The following KRT7 variants were observed in gnomAD, a reference collection of about 807,000 sequenced individuals.
KRT7 encodes the protein keratin 7.
A neutral mutation model predicts 42.8 loss-of-function variants in KRT7; 50 were observed. The observed-to-expected ratio is 1.17, with a 90% CI of 0.93 to 1.48. The LOEUF is 1.48. Among genes scored for constraint, KRT7 ranks in the 40% most tolerant of loss-of-function variants. The pLI is 0.00. For missense variants in KRT7, 588 were observed against 637.6 expected (o/e 0.92, Z 0.84); for synonymous variants, 268 against 266.3 (o/e 1.01, Z -0.06).
chr12:52,255,699 G>A (rs185116985), downstream of KRT7, among the ~76,000 whole-genome samples: 374 of 152,256 alleles, frequency 2.5e-3, 5 homozygotes, highest in Admixed American at 0.023. Context: ...CTCCTTTGGG[G>A]CAGGAACCCT....
rs767818630 is a variant in KRT7, at chr12:52,238,710, G to A, written c.628G>A (p.Glu210Lys). Residue 210 changes from glutamate (E) to lysine (K), a missense_variant, in exon 4 of 9, where the codon GAG becomes AAG. Physicochemically the swap from Glu to Lys is moderately conservative, Grantham distance 56. Transcript: ENST00000331817. ...DVDAAYMSKV[E>K]LEAKVDALND... The stretch of plus-strand genomic sequence containing the variant: ...GGATGCTGCCTACATGAGCAAGGTG[G>A]AGCTGGAGGCCAAGGTGGATGCCCT... 1.9e-6 allele frequency: 3 copies of A among 1,614,038 alleles called. No individual in the cohort carries two copies. The South Asian group carries it at 3.3e-5, about 18-fold the overall frequency.
At chr12:52,255,492 T>C (rs1315921950), downstream of KRT7, 8 of 452,016 alleles carry the variant, frequency 1.8e-5, no homozygotes, top group Non-Finnish European at 3.6e-5. Context: ...TTCCGGGAAC[T>C]GGATCTTTTG....
intron 3 of KRT7, 157 bp downstream of exon 3, chr12:52,237,726 ATGTGTGTGTGTGTGTGTG>A (rs10546862): frequency 1.4e-5 from 5 of 346,324 alleles, no homozygotes; most frequent in Non-Finnish European, 2.6e-5. Flanking sequence ...GGGTGCGTGT[ATGTGTGTGTGTGTGTGTG>A]TGTGTGTGTG....
intron 6 of KRT7, chr12:52,245,054 C>T (rs1489897077): frequency 1.0e-5 from 3 of 294,118 alleles, no homozygotes; most frequent in Non-Finnish European, 1.9e-5. Flanking sequence ...TAAAAATGAT[C>T]ACAATAGCAT....
intron 4 of KRT7, among the ~76,000 whole-genome samples, 199 bp downstream of exon 4, chr12:52,238,974 G>T (rs939161983): frequency 2.6e-5 from 4 of 152,176 alleles, no homozygotes; most frequent in African/African-American, 9.7e-5. Context: ...TTGCAAGATG[G>T]GTGTCTGATG....
At chr12:52,252,617 T>C, downstream of KRT7, 1 of 1,098,416 alleles carries the variant, frequency 9.1e-7, no homozygotes, top group South Asian at 1.6e-5. Context: ...AAATTAGTGC[T>C]CCCAGGCATG....
At chr12:52,235,893 A>G (rs770676359) in intron 2 of KRT7, among the ~76,000 whole-genome samples, 6 of 152,148 alleles carry the variant, frequency 3.9e-5, no homozygotes, top group Non-Finnish European at 8.8e-5. Context: ...AAAGAAGCAG[A>G]GAGGGAAAAT....
chr12:52,252,495 GA>G, downstream of KRT7: 2 of 1,612,832 alleles, frequency 1.2e-6, no homozygotes, highest in Non-Finnish European at 1.7e-6. Flanking sequence ...GGAGGCAAGG[GA>G]GGGTTATTAA....
downstream of KRT7, among the ~76,000 whole-genome samples, chr12:52,250,199 C>T (rs570770445): frequency 1.3e-5 from 2 of 152,240 alleles, no homozygotes; most frequent in East Asian, 1.9e-4. Flanking sequence ...TCCAGGCCTC[C>T]GGACCGGGGT....
chr12:52,248,777 C>G lies in KRT7; in HGVS notation c.*17C>G. The G allele has an allele frequency of 6.6e-7, 1 of 1,525,382 alleles. No homozygotes were observed. The highest frequency in any genetic ancestry group is 1.2e-5 in the South Asian group (1 of 80,142). 94.5% of individuals were successfully genotyped at this position (1,525,382 alleles called of 1,614,324 possible). A position where few individuals can be genotyped will look rare whatever the true frequency, so the allele number is the denominator to read the frequency against. ...CGCGACTGAGCCGCCTCCCACCACT[C>G]CACTCCTCCAGCCACCACCCACAAT... On this transcript the variant is annotated 3_prime_UTR_variant, in exon 9 of 9. Coordinates refer to ENST00000331817, the MANE Select transcript of KRT7 (RefSeq NM_005556.4).
At chr12:52,244,308 A>G (rs1205994788) in intron 6 of KRT7, 2 of 985,178 alleles carry the variant, frequency 2.0e-6, no homozygotes, top group Non-Finnish European at 2.4e-6. Flanking sequence ...AGCACAGAAT[A>G]ACAAATGGTG....
chr12:52,253,234 C>T, downstream of KRT7: 3 of 1,609,762 alleles, frequency 1.9e-6, no homozygotes. Flanking sequence ...CGTTCTCCAC[C>T]TCGGCTGTCA....
chr12:52,245,659 A>G (rs1295571750), intron 7 of KRT7, 27 bp downstream of exon 7: 1 of 1,612,290 alleles, frequency 6.2e-7, no homozygotes, highest in African/African-American at 1.3e-5. Context: ...TGGAAAGGGG[A>G]TGCTTCTAGG....
downstream of KRT7, chr12:52,252,317 C>T: frequency 2.5e-6 from 4 of 1,614,046 alleles, no homozygotes; most frequent in Non-Finnish European, 3.4e-6. Flanking sequence ...AAGTCCAGGC[C>T]AGCTTGGAGT....
chr12:52,238,841 C>T, intron 4 of KRT7, 66 bp downstream of exon 4: 1 of 964,780 alleles, frequency 1.0e-6, no homozygotes, highest in Admixed American at 1.9e-5. Context: ...CCATCTGGTC[C>T]AGCCCCCCGC....
Position 52,248,619 on chromosome 12 carries a change from C to G in KRT7, c.1269C>G (p.Ser423Arg), listed in dbSNP as rs372149310. The change falls in exon 9 of 9, where the codon AGC (serine) becomes AGG (arginine). Residue 423 changes from serine to arginine, a missense_variant. Physicochemically the swap from Ser to Arg is moderately radical, Grantham distance 110. Transcript: ENST00000331817. ...ISVMNSTGGS[S>R]SGGGIGLTLG... ...TGATGAATTCCACTGGTGGCAGTAGCAGTGGCGGTGGCATTGGGCTGACCC... is the reference window on the plus strand; with the variant it reads ...TGATGAATTCCACTGGTGGCAGTAGGAGTGGCGGTGGCATTGGGCTGACCC... 4 of 1,598,174 alleles carry G rather than the reference C, an allele frequency of 2.5e-6. No individual in the cohort carries two copies. In the African/African-American group the frequency reaches 5.4e-5, roughly 22 times the overall value.
downstream of KRT7, among the ~76,000 whole-genome samples, chr12:52,254,771 G>A (rs1160346062): frequency 1.3e-5 from 2 of 152,188 alleles, no homozygotes; most frequent in East Asian, 3.9e-4. Context: ...GCTCAACTCT[G>A]TCCCTTCCAA....
intron 4 of KRT7, among the ~76,000 whole-genome samples, chr12:52,240,946 C>T (rs1158813539): frequency 6.6e-6 from 1 of 150,376 alleles, no homozygotes; most frequent in African/African-American, 2.5e-5. Flanking sequence ...CCCGACAGGC[C>T]CCGGTGTGTG....
chr12:52,236,212 T>TCCC (rs1272982056), intron 2 of KRT7, among the ~76,000 whole-genome samples: 1 of 127,850 alleles, frequency 7.8e-6, no homozygotes, highest in Admixed American at 7.5e-5. Context: ...CCCCCAACAC[T>TCCC]CCCACTTCCC....
Sources: gnomAD v4.1 joint callset for allele counts (sites outside exome capture counted in the v4.1 genomes callset) on GRCh38, gnomAD v4.1.1 for gene constraint, MANE v1.5 for transcripts, NCBI Gene and HGNC (gene_info 2026-07-23, HGNC 2026-07-21) for gene names.